The following BTRC variants were observed in gnomAD, a reference collection of about 807,000 sequenced individuals.
BTRC encodes beta-transducin repeat containing E3 ubiquitin protein ligase.
BTRC carries 42 observed loss-of-function variants against 85.5 expected under a neutral mutation model. That is an observed-to-expected ratio of 0.49 (90% CI 0.38 to 0.64). BTRC has a LOEUF of 0.64. Ranked by LOEUF, BTRC falls within the 30% of genes least tolerant of loss-of-function variation. BTRC has a pLI of 0.00. For missense variants in BTRC, 594 were observed against 743.5 expected (o/e 0.80, Z 2.34); for synonymous variants, 255 against 263.3 (o/e 0.97, Z 0.30).
chr10:101,359,860 A>C (rs1023753676), intron 1 of BTRC, among the ~76,000 whole-genome samples: 1 of 152,126 alleles, frequency 6.6e-6, no homozygotes, highest in Non-Finnish European at 1.5e-5. Context: ...TTGGCCTCCC[A>C]AAGTGCTGAG....
chr10:101,463,153 C>T (rs1024564695), intron 3 of BTRC, among the ~76,000 whole-genome samples: 7 of 152,046 alleles, frequency 4.6e-5, no homozygotes, highest in South Asian at 4.1e-4. Context: ...TCAAGCGACT[C>T]TTCTGCCTCA....
In BTRC at chr10:101,549,175, C is replaced by T. The variant is rs375248040; in HGVS notation, c.1657-1524C>T. Among the ~76,000 whole-genome samples the T allele has an allele frequency of 1.1e-4, 17 of 150,978 alleles. No individual in the cohort carries two copies. The South Asian group carries it at 3.6e-3, about 32-fold the overall frequency. ...TTGGGCCAGGCACAGTGGCCCACACCTATAATCTCAGAGCTTTGGGAGGCC... is the reference window on the plus strand; with the variant it reads ...TTGGGCCAGGCACAGTGGCCCACACTTATAATCTCAGAGCTTTGGGAGGCC... On this transcript the variant is annotated intron_variant, in intron 13 of 14. Transcript: ENST00000370187.
chr10:101,544,725 G>C (rs1206246292), intron 13 of BTRC, among the ~76,000 whole-genome samples: 1 of 152,016 alleles, frequency 6.6e-6, no homozygotes, highest in Non-Finnish European at 1.5e-5. Flanking sequence ...AAAAGTTTTC[G>C]TTTTGCCTTC....
chr10:101,524,395 A>T (rs2062161168), intron 5 of BTRC, among the ~76,000 whole-genome samples: 1 of 152,308 alleles, frequency 6.6e-6, no homozygotes, highest in Non-Finnish European at 1.5e-5. Context: ...AGACCTGTGT[A>T]TCCTTTACCT....
Position 101,512,891 on chromosome 10 carries a change from A to C in BTRC, c.325-8748A>C, listed in dbSNP as rs140024589. On this transcript the variant is annotated intron_variant, in intron 4 of 14. Transcript: ENST00000370187. ...AGGGAGATGTGCAGGGGTGGCAGAA[A>C]TTTAGTGTTACCATTAAGCTGAGGC... 4.6e-3 allele frequency among the ~76,000 whole-genome samples: 704 copies of C among 152,300 alleles called. 3 individuals carry two copies. The highest frequency in any genetic ancestry group is 0.016 in the African/African-American group (668 of 41,572).
chr10:101,500,777 A>G (rs1193474370), intron 4 of BTRC, among the ~76,000 whole-genome samples: 2 of 152,234 alleles, frequency 1.3e-5, no homozygotes, highest in East Asian at 3.8e-4. Flanking sequence ...TTACCTGTGT[A>G]CCTGTCACTC....
intron 8 of BTRC, among the ~76,000 whole-genome samples, chr10:101,532,750 A>ATGTG (rs71643587): frequency 0.1 from 10,575 of 102,124 alleles, 566 homozygotes; most frequent in Middle Eastern, 0.23. Context: ...CTGAAGCTAT[A>ATGTG]TGTGTGTGTG....
At chr10:101,509,552 C>T (rs1157366157) in intron 4 of BTRC, among the ~76,000 whole-genome samples, 3 of 145,648 alleles carry the variant, frequency 2.1e-5, no homozygotes, top group African/African-American at 7.7e-5. Flanking sequence ...CCGCGCCCAG[C>T]CTTTTTTTTT....
intron 1 of BTRC, among the ~76,000 whole-genome samples, chr10:101,418,754 T>A (rs184457880): frequency 6.6e-6 from 1 of 152,074 alleles, no homozygotes; most frequent in Non-Finnish European, 1.5e-5. Flanking sequence ...GCAGGTTTGG[T>A]ACGTAGGTAA....
At chr10:101,478,640 A>T (rs1244788479) in intron 3 of BTRC, among the ~76,000 whole-genome samples, 12 of 151,864 alleles carry the variant, frequency 7.9e-5, no homozygotes, top group Non-Finnish European at 1.5e-5. Context: ...AAAATACAAA[A>T]AATTAGCTGG....
chr10:101,387,528 C>CCTTTTTTTTTTTTTTTTTTTTTTTTTT (rs1399986557), intron 1 of BTRC, among the ~76,000 whole-genome samples: 1 of 45,122 alleles, frequency 2.2e-5, no homozygotes, highest in African/African-American at 1.5e-4. Flanking sequence ...CTTCATGGGA[C>CCTTTTTTTTTTTTTTTTTTTTTTTTTT]TTTTTTTTTT....
chr10:101,503,757 T>C (rs987472439), intron 4 of BTRC, among the ~76,000 whole-genome samples: 22 of 152,218 alleles, frequency 1.4e-4, no homozygotes, highest in African/African-American at 5.3e-4. Flanking sequence ...TGAGTTGGCT[T>C]CTTGAGATCC....
chr10:101,454,223 A>G (rs1357790715), intron 2 of BTRC, among the ~76,000 whole-genome samples: 3 of 152,224 alleles, frequency 2.0e-5, no homozygotes, highest in Non-Finnish European at 2.9e-5. Flanking sequence ...TAGTGGGTAG[A>G]GGGAGCTACA....
chr10:101,405,031 C>T, intron 1 of BTRC, among the ~76,000 whole-genome samples: 1 of 149,228 alleles, frequency 6.7e-6, no homozygotes, highest in South Asian at 2.1e-4. Flanking sequence ...CTATGCCTTA[C>T]TGTTTTGGGT....
intron 1 of BTRC, among the ~76,000 whole-genome samples, chr10:101,379,158 A>G (rs1012491563): frequency 6.6e-6 from 1 of 152,254 alleles, no homozygotes; most frequent in Non-Finnish European, 1.5e-5. Context: ...TTTGAAAATC[A>G]GAAAGGATTG....
chr10:101,397,890 CTCTA>C (rs925297526), intron 1 of BTRC, among the ~76,000 whole-genome samples: 2 of 152,150 alleles, frequency 1.3e-5, no homozygotes, highest in Admixed American at 6.6e-5. Flanking sequence ...TTTATTTTAG[CTCTA>C]TCTTTCAAAC....
At chr10:101,389,331 A>G (rs911182773) in intron 1 of BTRC, among the ~76,000 whole-genome samples, 5 of 151,198 alleles carry the variant, frequency 3.3e-5, no homozygotes, top group African/African-American at 4.8e-5. Flanking sequence ...ACTGCTATCA[A>G]CTTACTTTGG....
At chr10:101,431,048 ATTCC>A (rs1944389120) in intron 2 of BTRC, among the ~76,000 whole-genome samples, 1 of 139,582 alleles carries the variant, frequency 7.2e-6, no homozygotes, top group African/African-American at 2.6e-5. Flanking sequence ...GAATTAACAG[ATTCC>A]AGTTCCCCTC....
At chr10:101,375,405 G>A (rs1001367477) in intron 1 of BTRC, among the ~76,000 whole-genome samples, 2 of 152,090 alleles carry the variant, frequency 1.3e-5, no homozygotes, top group South Asian at 2.1e-4. Context: ...AATTCACTAC[G>A]CTTCTTGTAC....
Sources: gnomAD v4.1 joint callset for allele counts (sites outside exome capture counted in the v4.1 genomes callset) on GRCh38, gnomAD v4.1.1 for gene constraint, MANE v1.5 for transcripts, NCBI Gene and HGNC (gene_info 2026-07-23, HGNC 2026-07-21) for gene names.